BMPER: variants seen among roughly 807,000 people sequenced by gnomAD.
The protein encoded by BMPER is BMP binding endothelial regulator.
BMPER carries 45 observed loss-of-function variants against 87.3 expected under a neutral mutation model. The ratio of observed to expected loss-of-function variants is 0.52; its 90% confidence interval spans 0.41 to 0.66. The LOEUF (loss-of-function observed/expected upper bound fraction) is 0.66, where lower values mean the gene tolerates loss of function less well. Ranked by LOEUF, BMPER falls within the 30% of genes least tolerant of loss-of-function variation. The pLI, the probability that BMPER is intolerant of heterozygous loss-of-function variation, is 0.00. For missense variants in BMPER, 784 were observed against 867.5 expected (o/e 0.90, Z 1.21); for synonymous variants, 326 against 316.2 (o/e 1.03, Z -0.33).
intron 4 of BMPER, among the ~76,000 whole-genome samples, chr7:33,969,486 G>A (rs993228305): frequency 4.6e-5 from 7 of 152,124 alleles, no homozygotes; most frequent in Admixed American, 2.0e-4. Context: ...TGCAAGCTCC[G>A]CCTCCTGGGT....
chr7:33,993,810 C>T (rs1340699256), intron 6 of BMPER, among the ~76,000 whole-genome samples: 1 of 152,152 alleles, frequency 6.6e-6, no homozygotes, highest in Non-Finnish European at 1.5e-5. Context: ...TATGGATGTC[C>T]TTTCTGTTTG....
intron 12 of BMPER, among the ~76,000 whole-genome samples, chr7:34,081,006 T>C (rs1247722129): frequency 6.6e-6 from 1 of 152,202 alleles, no homozygotes; most frequent in African/African-American, 2.4e-5. Flanking sequence ...TCTTTTTTTT[T>C]TCTATCTCTC....
chr7:33,966,079 G>A (rs184988542), intron 3 of BMPER, among the ~76,000 whole-genome samples: 16 of 152,248 alleles, frequency 1.1e-4, no homozygotes, highest in Middle Eastern at 3.4e-3. Context: ...TTTCTATCAT[G>A]TTTTAAGCTT....
chr7:33,958,647 T>C (rs1200356042), intron 3 of BMPER, among the ~76,000 whole-genome samples: 1 of 152,238 alleles, frequency 6.6e-6, no homozygotes, highest in African/African-American at 2.4e-5. Context: ...AAATAGTGAA[T>C]GGAACATGGC....
chr7:34,016,063 A>C (rs1315489228), intron 6 of BMPER, among the ~76,000 whole-genome samples: 1 of 151,850 alleles, frequency 6.6e-6, no homozygotes, highest in Admixed American at 6.6e-5. Context: ...TCAGGTTTTA[A>C]GGCTTTTACA....
intron 13 of BMPER, among the ~76,000 whole-genome samples, chr7:34,134,164 G>A (rs973896026): frequency 6.6e-6 from 1 of 152,134 alleles, no homozygotes; most frequent in Non-Finnish European, 1.5e-5. Flanking sequence ...GGATTACACA[G>A]GGGTTTAGTT....
intron 13 of BMPER, among the ~76,000 whole-genome samples, chr7:34,141,134 C>T (rs1377418399): frequency 6.6e-6 from 1 of 152,172 alleles, no homozygotes; most frequent in Non-Finnish European, 1.5e-5. Flanking sequence ...AGGGAAATGA[C>T]ATTGAGGGAG....
At chr7:34,023,520 C>G (rs1379465835) in intron 6 of BMPER, among the ~76,000 whole-genome samples, 4 of 152,034 alleles carry the variant, frequency 2.6e-5, no homozygotes, top group African/African-American at 9.7e-5. Flanking sequence ...CTGTCTCTCT[C>G]CATGTTTCTG....
At chr7:34,126,502 T>G (rs1229816956) in intron 13 of BMPER, among the ~76,000 whole-genome samples, 1 of 152,238 alleles carries the variant, frequency 6.6e-6, no homozygotes, top group Admixed American at 6.5e-5. Context: ...CCCCTACACA[T>G]TATTATAAGA....
intron 3 of BMPER, among the ~76,000 whole-genome samples, chr7:33,945,134 G>A (rs547990295): frequency 6.6e-6 from 1 of 151,938 alleles, no homozygotes; most frequent in African/African-American, 2.4e-5. Context: ...GTAGAGACAG[G>A]GTTTCACCGT....
intron 6 of BMPER, among the ~76,000 whole-genome samples, chr7:33,989,619 A>G (rs1225941285): frequency 6.6e-6 from 1 of 152,162 alleles, no homozygotes; most frequent in Non-Finnish European, 1.5e-5. Flanking sequence ...CTTTAGTTTA[A>G]TTAGATCCCA....
chr7:34,146,180 C>T (rs1311738415), intron 14 of BMPER, among the ~76,000 whole-genome samples: 1 of 152,120 alleles, frequency 6.6e-6, no homozygotes, highest in East Asian at 1.9e-4. Flanking sequence ...GAATACTGAA[C>T]ACTATAAAAG....
intron 3 of BMPER, among the ~76,000 whole-genome samples, chr7:33,964,650 C>T (rs1336924328): frequency 6.6e-6 from 1 of 152,194 alleles, no homozygotes; most frequent in Non-Finnish European, 1.5e-5. Context: ...CAGCCTGGTG[C>T]TCCTCCTGGG....
intron 6 of BMPER, among the ~76,000 whole-genome samples, chr7:33,996,251 T>C (rs1786409427): frequency 6.6e-6 from 1 of 152,080 alleles, no homozygotes; most frequent in Non-Finnish European, 1.5e-5. Flanking sequence ...AAGTCCCAGC[T>C]GGTTGTGAGG....
chr7:34,110,863 T>C (rs1451972983), intron 13 of BMPER, among the ~76,000 whole-genome samples: 2 of 152,214 alleles, frequency 1.3e-5, no homozygotes, highest in Non-Finnish European at 2.9e-5. Flanking sequence ...AATTTTAGGA[T>C]TGAGAGATTG....
intron 13 of BMPER, among the ~76,000 whole-genome samples, chr7:34,091,695 C>T (rs1789385081): frequency 6.6e-6 from 1 of 152,154 alleles, no homozygotes; most frequent in Non-Finnish European, 1.5e-5. Context: ...CCTAGTGTTC[C>T]ATTTTTGGAA....
At chr7:34,029,534 G>T (rs1243939194) in intron 6 of BMPER, among the ~76,000 whole-genome samples, 2 of 152,044 alleles carry the variant, frequency 1.3e-5, no homozygotes, top group African/African-American at 4.8e-5. Context: ...TCAGCTCCTT[G>T]ACCCAAACCA....
chr7:34,021,041 T>C lies in BMPER; in HGVS notation c.577-25265T>C, dbSNP rs75929976. ...TCACAACTGATGTAGGAGGAGATGC[T>C]TCGCAAACCTTGATGCAAAAGAAAA... On this transcript the variant is annotated intron_variant, in intron 6 of 14. Transcript: ENST00000649409. Among the ~76,000 whole-genome samples the C allele has an allele frequency of 7.6e-3, 1,149 of 152,160 alleles. 14 individuals carry two copies. The highest frequency in any genetic ancestry group is 0.023 in the African/African-American group (969 of 41,556).
chr7:34,080,958 A>T (rs2127974955), intron 12 of BMPER, among the ~76,000 whole-genome samples: 1 of 152,314 alleles, frequency 6.6e-6, no homozygotes, highest in African/African-American at 2.4e-5. Context: ...AGATTAGTGA[A>T]TTTAACTGTT....
Sources: gnomAD v4.1 joint callset for allele counts (sites outside exome capture counted in the v4.1 genomes callset) on GRCh38, gnomAD v4.1.1 for gene constraint, MANE v1.5 for transcripts, NCBI Gene and HGNC (gene_info 2026-07-23, HGNC 2026-07-21) for gene names.